UNC79: variants seen among roughly 807,000 people sequenced by gnomAD.
The protein encoded by UNC79 is protein unc-79 homolog.
A neutral mutation model predicts 283.1 loss-of-function variants in UNC79; 37 were observed. That is an observed-to-expected ratio of 0.13 (90% CI 0.10 to 0.17). UNC79 has a LOEUF of 0.17. UNC79 is among the 10% of genes least tolerant of loss of function. UNC79 has a pLI of 1.00. For missense variants in UNC79, 2,272 were observed against 3,211.1 expected, an observed-to-expected ratio of 0.71 and a Z score of 7.07; for synonymous variants, 1,107 against 1,200.2, an observed-to-expected ratio of 0.92 and a Z score of 1.61.
intron 1 of UNC79, among the ~76,000 whole-genome samples, chr14:93,360,210 G>A (rs1018715517): frequency 6.6e-6 from 1 of 152,170 alleles, no homozygotes; most frequent in Non-Finnish European, 1.5e-5. Flanking sequence ...GGTAGGATGA[G>A]GGCTATTATG....
chr14:93,345,652 G>A (rs2053809595), intron 1 of UNC79, among the ~76,000 whole-genome samples: 1 of 152,108 alleles, frequency 6.6e-6, no homozygotes, highest in Non-Finnish European at 1.5e-5. Flanking sequence ...AAACGTTGAT[G>A]AGTGAGAAAA....
chr14:93,634,494 AATC>A, intron 31 of UNC79, 24 bp from the exon 34 acceptor site: 1 of 1,515,958 alleles, frequency 6.6e-7, no homozygotes, highest in Non-Finnish European at 9.2e-7. Flanking sequence ...TTATTATTAT[AATC>A]ATCTCCTAAT....
intron 1 of UNC79, among the ~76,000 whole-genome samples, chr14:93,361,256 AG>A (rs1420031821): frequency 8.0e-5 from 3 of 37,468 alleles, no homozygotes; most frequent in African/African-American, 2.7e-4. Context: ...AGAAAAGAAA[AG>A]AAGGAGGCAC....
intron 1 of UNC79, among the ~76,000 whole-genome samples, chr14:93,337,162 T>G (rs1207186188): frequency 6.6e-5 from 10 of 152,180 alleles, no homozygotes; most frequent in Admixed American, 5.9e-4. Context: ...CCAATTAGCA[T>G]GCATTTCTTC....
intron 14 of UNC79, among the ~76,000 whole-genome samples, chr14:93,563,224 T>A (rs570116985): frequency 2.0e-5 from 3 of 152,114 alleles, no homozygotes; most frequent in Non-Finnish European, 2.9e-5. Flanking sequence ...AAAACTGCCA[T>A]GAGGGACAGA....
Position 93,455,912 on chromosome 14 carries a change from TTGTGTGTGTGTGTGTG to T in UNC79, c.23-11741_23-11726del, listed in dbSNP as rs10654684. On this transcript the variant is annotated intron_variant, in intron 1 of 48. Transcript: ENST00000555664. ...TTGTTTTTCCCATCAGTACAATGGA[TTGTGTGTGTGTGTGTG>T]TGTGTGTGTGTGTGTGTATGTGTGT... is the stretch of plus-strand genomic sequence containing the variant. Among the ~76,000 whole-genome samples, 538 of 144,222 alleles carry T rather than the reference TTGTGTGTGTGTGTGTG, an allele frequency of 3.7e-3. 1 individual carries two copies. Among genetic ancestry groups the T allele is most frequent in the African/African-American group, 0.013 (517 of 39,112 alleles). 94.6% of individuals were successfully genotyped at this position (144,222 alleles called of 152,430 possible). A position where few individuals can be genotyped will look rare whatever the true frequency, so the allele number is the denominator to read the frequency against.
chr14:93,357,898 TATATATCTATATATATCCATATATATAG>T (rs1566890240), intron 1 of UNC79, among the ~76,000 whole-genome samples: 769 of 40,066 alleles, frequency 0.019, 13 homozygotes, highest in African/African-American at 0.053. Context: ...TATATGGAGA[TATATATCTATATATATCCATATATATAG>T]ATATATATGG....
intron 35 of UNC79, among the ~76,000 whole-genome samples, chr14:93,652,219 C>A (rs2070362340): frequency 1.3e-5 from 2 of 151,898 alleles, no homozygotes; most frequent in African/African-American, 4.8e-5. Context: ...TATAGATGCC[C>A]TTTAGCAAAT....
At chr14:93,363,058 T>C (rs1252491734) in intron 1 of UNC79, among the ~76,000 whole-genome samples, 1 of 152,084 alleles carries the variant, frequency 6.6e-6, no homozygotes, top group Non-Finnish European at 1.5e-5. Context: ...TGATGTTGGG[T>C]TGTTAATATG....
chr14:93,589,033 T>C (rs1595971339), intron 22 of UNC79, among the ~76,000 whole-genome samples: 1 of 152,082 alleles, frequency 6.6e-6, no homozygotes, highest in Admixed American at 6.5e-5. Context: ...AGACATTGTG[T>C]TGGGAACTTC....
chr14:93,517,530 T>G (rs2140929124), intron 7 of UNC79, among the ~76,000 whole-genome samples: 1 of 151,960 alleles, frequency 6.6e-6, no homozygotes, highest in African/African-American at 2.4e-5. Context: ...TGCTGAGAGC[T>G]TTAATCATGA....
chr14:93,493,893 A>ATT (rs1257362806), intron 5 of UNC79, among the ~76,000 whole-genome samples: 44 of 39,180 alleles, frequency 1.1e-3, no homozygotes, highest in Non-Finnish European at 1.8e-3. Context: ...ATATATATAT[A>ATT]TATATATATT....
At chr14:93,651,850 C>T (rs1039539465) in intron 35 of UNC79, among the ~76,000 whole-genome samples, 1 of 151,784 alleles carries the variant, frequency 6.6e-6, no homozygotes, top group African/African-American at 2.4e-5. Context: ...AAGGATTCTC[C>T]TGCCTCAGGC....
intron 1 of UNC79, among the ~76,000 whole-genome samples, chr14:93,423,676 A>T (rs1170045682): frequency 6.6e-6 from 1 of 152,250 alleles, no homozygotes; most frequent in East Asian, 1.9e-4. Context: ...AAAGAATGAA[A>T]CTAGACTCCT....
chr14:93,514,814 A>G (rs2059979779), intron 7 of UNC79, among the ~76,000 whole-genome samples: 1 of 152,180 alleles, frequency 6.6e-6, no homozygotes, highest in South Asian at 2.1e-4. Flanking sequence ...TGTATGCTTT[A>G]CTTTTTAAAA....
chr14:93,596,137 A>G (rs1360509247), intron 23 of UNC79, among the ~76,000 whole-genome samples: 7 of 152,228 alleles, frequency 4.6e-5, no homozygotes, highest in African/African-American at 1.4e-4. Context: ...ACCACAAAAT[A>G]AAATATGTCA....
chr14:93,673,134 A>G (rs1314191544), intron 40 of UNC79, among the ~76,000 whole-genome samples: 1 of 152,174 alleles, frequency 6.6e-6, no homozygotes, highest in Non-Finnish European at 1.5e-5. Context: ...TTTCTTATCC[A>G]TTAAATTATT....
chr14:93,638,278 T>C (rs2068687410), intron 32 of UNC79, among the ~76,000 whole-genome samples: 1 of 152,202 alleles, frequency 6.6e-6, no homozygotes, highest in African/African-American at 2.4e-5. Flanking sequence ...TCACATTTCT[T>C]TGGCAATGAA....
intron 1 of UNC79, chr14:93,464,492 A>G (rs1230396229): frequency 2.2e-6 from 1 of 455,562 alleles, no homozygotes; most frequent in East Asian, 7.0e-5. Flanking sequence ...TTTTAACTTA[A>G]TCACCCTTTT....
Sources: allele counts gnomAD v4.1 joint callset (sites outside exome capture counted in the v4.1 genomes callset), GRCh38; gene constraint gnomAD v4.1.1; transcripts MANE v1.5; gene names NCBI Gene and HGNC (gene_info 2026-07-23, HGNC 2026-07-21).